SEC61A2: variants seen among roughly 807,000 people sequenced by gnomAD.
SEC61A2 encodes the protein protein transport protein Sec61 subunit alpha isoform 2.
SEC61A2 carries 28 observed loss-of-function variants against 59.9 expected under a neutral mutation model. The observed-to-expected ratio is 0.47, with a 90% CI of 0.35 to 0.64. The LOEUF is 0.64. Among genes scored for constraint, SEC61A2 ranks in the 30% least tolerant of loss-of-function variants. SEC61A2 has a pLI of 0.01. For synonymous variants in SEC61A2, 202 were observed against 214.4 expected (o/e 0.94, Z 0.50); for missense variants, 340 against 585.9 (o/e 0.58, Z 4.33).
chr10:12,161,209 C>T lies in SEC61A2; in HGVS notation c.1167+88C>T, dbSNP rs898666972. 123 of 1,011,086 alleles carry T rather than the reference C, an allele frequency of 1.2e-4. No homozygotes were observed. The highest frequency in any genetic ancestry group is 2.4e-4 in the Admixed American group (9 of 38,272). 62.6% of individuals were successfully genotyped at this position (1,011,086 alleles called of 1,614,324 possible). A position where few individuals can be genotyped will look rare whatever the true frequency, so the allele number is the denominator to read the frequency against. ...TCGTAGCACTTTGGCAGGCTGAGGC[C>T]GCTGGATCGCTTCACCTCAGGAGTT... On this transcript the variant is annotated intron_variant, in intron 10 of 11. Transcript: ENST00000298428. The surrounding 1 kb of genome is among the most constrained non-coding windows in gnomAD (Gnocchi z 5.4).
intron 4 of SEC61A2, among the ~76,000 whole-genome samples, chr10:12,148,603 G>A (rs921480396): frequency 1.3e-5 from 2 of 150,174 alleles, no homozygotes; most frequent in East Asian, 4.0e-4. Context: ...GCAGTGGTGC[G>A]ATCTTGGTTC....
chr10:12,142,675 A>G lies in SEC61A2; in HGVS notation c.142-442A>G, dbSNP rs1834047334. ...GATGTGCAGTTTAGTAACATTAGGA[A>G]TGTTCACATTGTTGTACCACCACAC... On this transcript the variant is annotated intron_variant, in intron 3 of 11. Coordinates refer to ENST00000298428, the MANE Select transcript of SEC61A2 (RefSeq NM_018144.4). The surrounding 1 kb of genome is among the most constrained non-coding windows in gnomAD (Gnocchi z 5.4). The G allele has an allele frequency of 5.0e-6, 1 of 201,796 alleles. No individual in the cohort carries two copies. 12.5% of individuals were successfully genotyped at this position (201,796 alleles called of 1,614,324 possible). A position where few individuals can be genotyped will look rare whatever the true frequency, so the allele number is the denominator to read the frequency against.
Position 12,160,924 on chromosome 10 carries a change from C to G in SEC61A2, c.976-6C>G. On this transcript the variant is annotated splice_polypyrimidine_tract_variant and splice_region_variant and intron_variant, in intron 9 of 11. Coordinates refer to ENST00000298428, the MANE Select transcript of SEC61A2 (RefSeq NM_018144.4). This position sits in a 1 kb window ranked among gnomAD's most constrained non-coding sequence, Gnocchi z 4.1. The stretch of plus-strand genomic sequence containing the variant: ...ACCACTTGTTCTTTGTACTCCTGTT[C>G]TGTAGGATGTCAGTGGGGGAGGACC... 6.2e-7 allele frequency: 1 copy of G among 1,610,276 alleles called. No homozygotes were observed. Among genetic ancestry groups the G allele is most frequent in the East Asian group, 2.2e-5 (1 of 44,786 alleles).
At chr10:12,134,721 T>A (rs1339871700) in intron 2 of SEC61A2, among the ~76,000 whole-genome samples, 1 of 151,922 alleles carries the variant, frequency 6.6e-6, no homozygotes, top group Middle Eastern at 3.2e-3. Flanking sequence ...ATGGGGACCA[T>A]CCTTGCCAAC....
At chr10:12,138,340 C>T (rs1833935391) in intron 3 of SEC61A2, among the ~76,000 whole-genome samples, 1 of 152,030 alleles carries the variant, frequency 6.6e-6, no homozygotes, top group Non-Finnish European at 1.5e-5. Flanking sequence ...CTTTCAGCAT[C>T]TTAGAAACTC....
At chr10:12,139,286 C>T (rs1256415488) in intron 3 of SEC61A2, among the ~76,000 whole-genome samples, 1 of 151,678 alleles carries the variant, frequency 6.6e-6, no homozygotes, top group African/African-American at 2.4e-5. Context: ...TTTGTATTTC[C>T]ACCAGCCGTG....
Position 12,161,031 on chromosome 10 carries a change from C to A in SEC61A2, c.1077C>A (p.Val359=). The part of the protein sequence containing the change: ...ESMGAIFEDP[V]HVVVYIIFML... The stretch of plus-strand genomic sequence containing the variant: ...TGGGCGCCATCTTTGAGGATCCTGT[C>A]CATGTCGTTGTTTATATCATCTTCA... The change falls in exon 10 of 12, where the codon GTC becomes GTA. Residue 359 remains valine, a synonymous_variant. Transcript: ENST00000298428. This position sits in a 1 kb window ranked among gnomAD's most constrained non-coding sequence, Gnocchi z 5.4. The A allele has an allele frequency of 6.2e-7, 1 of 1,614,032 alleles. No homozygotes were observed. The highest frequency in any genetic ancestry group is 8.5e-7 in the Non-Finnish European group (1 of 1,179,898).
At chr10:12,163,427 C>T (rs532328457) in intron 11 of SEC61A2, among the ~76,000 whole-genome samples, 11 of 149,382 alleles carry the variant, frequency 7.4e-5, no homozygotes, top group African/African-American at 1.2e-4. Flanking sequence ...TGGGATCAAG[C>T]GATTCTCCTG....
chr10:12,161,197 G>A lies in SEC61A2; in HGVS notation c.1167+76G>A. ...GCACATCTGTAATCGTAGCACTTTG[G>A]CAGGCTGAGGCCGCTGGATCGCTTC... On this transcript the variant is annotated intron_variant, in intron 10 of 11. Transcript: ENST00000298428. The surrounding 1 kb of genome is among the most constrained non-coding windows in gnomAD (Gnocchi z 5.4). 8.1e-7 allele frequency: 1 copy of A among 1,237,914 alleles called. No individual in the cohort carries two copies. Among genetic ancestry groups the A allele is most frequent in the Non-Finnish European group, 1.1e-6 (1 of 886,212 alleles). 76.7% of individuals were successfully genotyped at this position (1,237,914 alleles called of 1,614,324 possible).
chr10:12,145,799 T>C lies in SEC61A2; in HGVS notation c.220+2604T>C, dbSNP rs1385477620. ...AAAAAAGAAAAAACATTGTTTTAAA[T>C]AAAGGAGAAAAATTAAGGAATAGGA... is the stretch of plus-strand genomic sequence containing the variant. On this transcript the variant is annotated intron_variant, in intron 4 of 11. Transcript: ENST00000298428. This position sits in a 1 kb window ranked among gnomAD's most constrained non-coding sequence, Gnocchi z 4.4. Among the ~76,000 whole-genome samples, 3 of 152,094 alleles carry C rather than the reference T, an allele frequency of 2.0e-5. No homozygotes were observed. The highest frequency in any genetic ancestry group is 7.2e-5 in the African/African-American group (3 of 41,420).
Position 12,149,752 on chromosome 10 carries a change from A to G in SEC61A2, c.352+26A>G, listed in dbSNP as rs1012534631. The G allele has an allele frequency of 6.2e-7, 1 of 1,606,172 alleles. No homozygotes were observed. Reference sequence around the variant, plus strand: ...GTGAGCATTAATGCAATTAAAGAGCATTCTCCAAATTTGAGAGTGCTCGTG... The same window carrying G: ...GTGAGCATTAATGCAATTAAAGAGCGTTCTCCAAATTTGAGAGTGCTCGTG... On this transcript the variant is annotated intron_variant, in intron 5 of 11. Transcript: ENST00000298428. This position sits in a 1 kb window ranked among gnomAD's most constrained non-coding sequence, Gnocchi z 5.2.
rs7077306 is a variant in SEC61A2 at position 12,149,238 on chromosome 10, C to T, written c.221-357C>T. ...CTGAGTAGCTGGGATTACAGGTGCC[C>T]GCCACCACACCTGGCTAATTTTTGC... is the stretch of plus-strand genomic sequence containing the variant. On this transcript the variant is annotated intron_variant, in intron 4 of 11. Transcript: ENST00000298428. The surrounding 1 kb of genome is among the most constrained non-coding windows in gnomAD (Gnocchi z 5.2). Among the ~76,000 whole-genome samples, 64,094 of 151,566 alleles carry T rather than the reference C, an allele frequency of 0.42. 13,556 individuals carry two copies. Among genetic ancestry groups the T allele is most frequent in the East Asian group, 0.53 (2,709 of 5,130 alleles).
chr10:12,151,474 C>T (rs1321646014), intron 6 of SEC61A2, among the ~76,000 whole-genome samples: 1 of 150,170 alleles, frequency 6.7e-6, no homozygotes, highest in East Asian at 2.0e-4. Flanking sequence ...ACCATGCCTA[C>T]CTAATTTTTG....
At chr10:12,136,814 G>C (rs1258299076) in intron 3 of SEC61A2, among the ~76,000 whole-genome samples, 1 of 151,828 alleles carries the variant, frequency 6.6e-6, no homozygotes, top group African/African-American at 2.4e-5. Context: ...ATTTTTAGTA[G>C]AGATGGGGTT....
At chr10:12,169,409 G>C, downstream of SEC61A2, 1 of 946,644 alleles carries the variant, frequency 1.1e-6, no homozygotes, top group Non-Finnish European at 1.6e-6. The surrounding 1 kb of genome is among the most constrained non-coding windows in gnomAD (Gnocchi z 4.8). Flanking sequence ...GGCTGTTATT[G>C]TTCCTGTTTT....
chr10:12,155,147 C>T lies in SEC61A2; in HGVS notation c.463-631C>T, dbSNP rs1484903505. On this transcript the variant is annotated intron_variant, in intron 6 of 11. Coordinates refer to ENST00000298428, the MANE Select transcript of SEC61A2 (RefSeq NM_018144.4). This position sits in a 1 kb window ranked among gnomAD's most constrained non-coding sequence, Gnocchi z 4.3. ...AAAACAATATGAGCTTAACCTTAAC[C>T]GTCTTCAAATTTACATTCAATCTTT... Among the ~76,000 whole-genome samples, 2 of 152,076 alleles carry T rather than the reference C, an allele frequency of 1.3e-5. No homozygotes were observed. The highest frequency in any genetic ancestry group is 1.3e-4 in the Admixed American group (2 of 15,258).
At position 12,164,755 on chromosome 10, in the gene SEC61A2, C is replaced by T. The variant is rs373418708; in HGVS notation, c.*301C>T. 39 of 1,131,422 alleles carry T rather than the reference C, an allele frequency of 3.4e-5. No individual in the cohort carries two copies. In the East Asian group the frequency reaches 1.6e-3, roughly 47 times the overall value. 70.1% of individuals were successfully genotyped at this position (1,131,422 alleles called of 1,614,324 possible). On this transcript the variant is annotated 3_prime_UTR_variant, in exon 12 of 12. Coordinates refer to ENST00000298428, the MANE Select transcript of SEC61A2 (RefSeq NM_018144.4). The surrounding 1 kb of genome is among the most constrained non-coding windows in gnomAD (Gnocchi z 7.3). Reference sequence around the variant, plus strand: ...TGACAGTGAGACGGTGAGATGGATTCGTTTTGCACACAACATTCAAAACAC... The same window carrying T: ...TGACAGTGAGACGGTGAGATGGATTTGTTTTGCACACAACATTCAAAACAC...
Position 12,145,866 on chromosome 10 carries a change from AG to A in SEC61A2, c.220+2673del, listed in dbSNP as rs1234550819. Among the ~76,000 whole-genome samples the A allele has an allele frequency of 6.6e-6, 1 of 152,202 alleles. No homozygotes were observed. The highest frequency in any genetic ancestry group is 2.4e-5 in the African/African-American group (1 of 41,452). ...AAACAGAAACATGATACTTGCTGGA[AG>A]GATACTGGTTATTTTTTGGAATCTA... On this transcript the variant is annotated intron_variant, in intron 4 of 11. Transcript: ENST00000298428. This position sits in a 1 kb window ranked among gnomAD's most constrained non-coding sequence, Gnocchi z 4.4.
chr10:12,136,971 G>T (rs1407505121), intron 3 of SEC61A2, among the ~76,000 whole-genome samples: 1 of 152,062 alleles, frequency 6.6e-6, no homozygotes, highest in Non-Finnish European at 1.5e-5. Context: ...TTGCTGTGTT[G>T]TTCAGGCTTA....
Sources: gnomAD v4.1 joint callset for allele counts (sites outside exome capture counted in the v4.1 genomes callset) on GRCh38, gnomAD v4.1.1 for gene constraint, Gnocchi (gnomAD v3.1) non-coding constraint, MANE v1.5 for transcripts, NCBI Gene and HGNC (gene_info 2026-07-23, HGNC 2026-07-21) for gene names.